MYO5B: variants seen among roughly 807,000 people sequenced by gnomAD.
MYO5B encodes the protein unconventional myosin-Vb.
MYO5B carries 143 observed loss-of-function variants against 229.3 expected under a neutral mutation model. That is an observed-to-expected ratio of 0.62 (90% CI 0.54 to 0.72). The LOEUF is 0.72. MYO5B is among the 30% of genes least tolerant of loss of function. The pLI is 0.00. For missense variants in MYO5B, 2,321 were observed against 2,331.0 expected (o/e 1.00, Z 0.09); for synonymous variants, 918 against 885.2 (o/e 1.04, Z -0.66).
intron 22 of MYO5B, among the ~76,000 whole-genome samples, chr18:49,881,719 G>A (rs543468772): frequency 0.25 from 49 of 194 alleles, no homozygotes; most frequent in Middle Eastern, 0.5. Context: ...GGAGAATGGC[G>A]TGAACTCCAG....
chr18:49,899,599 T>G (rs965052732), intron 21 of MYO5B, among the ~76,000 whole-genome samples: 1 of 152,244 alleles, frequency 6.6e-6, no homozygotes, highest in African/African-American at 2.4e-5. Context: ...CAGGTTTCAA[T>G]CCCAGCCATG....
rs1265790582 is a variant in MYO5B, at chr18:50,076,940, A to C, written c.28-21562T>G. Among the ~76,000 whole-genome samples the C allele has an allele frequency of 2.6e-5, 4 of 151,414 alleles. 1 individual carries two copies. In the South Asian group the frequency reaches 8.4e-4, roughly 32 times the overall value. On this transcript the variant is annotated intron_variant, in intron 1 of 39. Coordinates refer to ENST00000285039, the MANE Select transcript of MYO5B (RefSeq NM_001080467.3). ...AAAACTGATGTTGCAAAAAAAAAAA[A>C]ATCCAATAGTATAAAATAAAATTTT...
chr18:49,865,679 G>A (rs2024387631), intron 27 of MYO5B, among the ~76,000 whole-genome samples: 1 of 152,204 alleles, frequency 6.6e-6, no homozygotes, highest in Admixed American at 6.5e-5. Flanking sequence ...TGGTGGCTAA[G>A]GTTTCCTCCA....
At chr18:49,876,324 C>A (rs908039063) in intron 25 of MYO5B, 11 of 259,812 alleles carry the variant, frequency 4.2e-5, no homozygotes, top group Non-Finnish European at 7.4e-5. Context: ...ATTTATCCAA[C>A]AGATCTTAAA....
chr18:50,191,283 C>A, intron 1 of MYO5B, among the ~76,000 whole-genome samples: 1 of 152,128 alleles, frequency 6.6e-6, no homozygotes, highest in Non-Finnish European at 1.5e-5. Context: ...ATAATCAAGA[C>A]CCTAAATGAT....
intron 29 of MYO5B, among the ~76,000 whole-genome samples, chr18:49,861,422 G>A (rs2024327898): frequency 6.6e-6 from 1 of 152,268 alleles, no homozygotes; most frequent in Non-Finnish European, 1.5e-5. Flanking sequence ...GCACACAGCT[G>A]CTTCTTCCCT....
intron 39 of MYO5B, among the ~76,000 whole-genome samples, chr18:49,832,033 A>C (rs945637305): frequency 2.6e-5 from 4 of 152,234 alleles, no homozygotes; most frequent in African/African-American, 9.6e-5. Flanking sequence ...ATTTACATAT[A>C]GAAGCCTACC....
intron 1 of MYO5B, among the ~76,000 whole-genome samples, chr18:50,111,126 T>C (rs972382513): frequency 5.3e-5 from 8 of 152,198 alleles, no homozygotes; most frequent in African/African-American, 1.9e-4. Flanking sequence ...AAAGGGATAA[T>C]GCTCAGATTA....
intron 12 of MYO5B, among the ~76,000 whole-genome samples, chr18:49,958,287 A>C (rs1406723783): frequency 6.6e-6 from 1 of 152,216 alleles, no homozygotes; most frequent in Non-Finnish European, 1.5e-5. Context: ...GTTGATCTCG[A>C]CAACTCCTAA....
Position 49,856,825 on chromosome 18 carries a change from T to C in MYO5B, c.4010A>G (p.Lys1337Arg), listed in dbSNP as rs1257983321. 1 of 1,613,786 alleles carries C rather than the reference T, an allele frequency of 6.2e-7. No homozygotes were observed. The highest frequency in any genetic ancestry group is 1.7e-5 in the Admixed American group (1 of 60,034). ...GAATATGTTCCACCTGGCAACTTGC[T>C]TTAGGCCTTGGTAGGCCAAGCCGAG... is the stretch of plus-strand genomic sequence containing the variant. ...GELGLAYQGL[K>R]QVARLLEAQL... The change falls in exon 30 of 40, where the codon AAG (lysine) becomes AGG (arginine). Residue 1337 changes from lysine to arginine, a missense_variant. By Grantham distance (26) the Lys-to-Arg change is conservative. Around this residue, in one of 2 missense-constraint regions of MYO5B, gnomAD observed 2,113 missense variants for 2,044.7 expected, o/e 1.03. Coordinates refer to ENST00000285039, the MANE Select transcript of MYO5B (RefSeq NM_001080467.3).
chr18:49,874,115 T>C (rs11660022), intron 26 of MYO5B, among the ~76,000 whole-genome samples: 36,588 of 152,136 alleles, frequency 0.24, 4,542 homozygotes, highest in East Asian at 0.42. Context: ...CTGCCTTTCC[T>C]TCCTTAAACT....
Position 50,194,684 on chromosome 18 carries a change from G to A in MYO5B, c.27+83C>T, listed in dbSNP as rs537324535. On this transcript the variant is annotated intron_variant, in intron 1 of 39. Coordinates refer to ENST00000285039, the MANE Select transcript of MYO5B (RefSeq NM_001080467.3). Reference sequence around the variant, plus strand: ...CCGTCACCTCCCGCCTCCAGTAGCCGAGGGAGAAGGCGACCCTGAGTACTA... The same window carrying A: ...CCGTCACCTCCCGCCTCCAGTAGCCAAGGGAGAAGGCGACCCTGAGTACTA... The A allele has an allele frequency of 2.4e-5, 24 of 1,014,868 alleles. No individual in the cohort carries two copies. The Admixed American group carries it at 5.7e-4, about 24-fold the overall frequency. 62.9% of individuals were successfully genotyped at this position (1,014,868 alleles called of 1,614,324 possible).
intron 21 of MYO5B, among the ~76,000 whole-genome samples, chr18:49,898,029 C>T (rs1009147789): frequency 5.3e-5 from 8 of 152,180 alleles, no homozygotes; most frequent in African/African-American, 1.9e-4. Flanking sequence ...TGTGTTACAC[C>T]TGCCTATGAT....
intron 13 of MYO5B, among the ~76,000 whole-genome samples, chr18:49,954,024 A>ATGTGTGTGTG (rs766610907): frequency 5.9e-5 from 3 of 51,056 alleles, no homozygotes; most frequent in Admixed American, 3.5e-4. Context: ...ATGTATTTAT[A>ATGTGTGTGTG]TGTGTGTGTG....
intron 1 of MYO5B, among the ~76,000 whole-genome samples, chr18:50,180,816 G>T (rs2033063113): frequency 6.6e-6 from 1 of 152,124 alleles, no homozygotes; most frequent in African/African-American, 2.4e-5. Context: ...ATGCCCTCAA[G>T]GTTCATCCTT....
intron 1 of MYO5B, among the ~76,000 whole-genome samples, chr18:50,150,942 T>C (rs2032588979): frequency 6.6e-6 from 1 of 152,204 alleles, no homozygotes. Flanking sequence ...ACACCTCTCT[T>C]CACACAGGCA....
chr18:49,971,491 T>C (rs1467258664), intron 10 of MYO5B, among the ~76,000 whole-genome samples: 1 of 152,204 alleles, frequency 6.6e-6, no homozygotes, highest in African/African-American at 2.4e-5. Flanking sequence ...GATTAAGAAA[T>C]GATATCACTG....
chr18:50,156,460 C>G (rs1447992796), intron 1 of MYO5B, among the ~76,000 whole-genome samples: 1 of 152,142 alleles, frequency 6.6e-6, no homozygotes, highest in Non-Finnish European at 1.5e-5. Context: ...AGGCTTTTCC[C>G]CCTTTGGCTC....
intron 1 of MYO5B, among the ~76,000 whole-genome samples, chr18:50,173,112 A>T (rs111538055): frequency 0.023 from 3,557 of 152,232 alleles, 135 homozygotes; most frequent in African/African-American, 0.082. Context: ...AAAACACAAA[A>T]AAATTAGCTG....
Sources: allele counts gnomAD v4.1 joint callset (sites outside exome capture counted in the v4.1 genomes callset), GRCh38; gene constraint gnomAD v4.1.1; regional missense constraint gnomAD v4.1.1; transcripts MANE v1.5; gene names NCBI Gene and HGNC (gene_info 2026-07-23, HGNC 2026-07-21).